MALRD1: variants seen among roughly 807,000 people sequenced by gnomAD.
MALRD1 encodes the protein MAM and LDL-receptor class A domain-containing protein 1.
A neutral mutation model predicts 242.1 loss-of-function variants in MALRD1; 247 were observed. That is an observed-to-expected ratio of 1.02 (90% CI 0.92 to 1.13). The LOEUF (loss-of-function observed/expected upper bound fraction) is 1.13, where lower values mean the gene tolerates loss of function less well. Among genes scored for constraint, MALRD1 ranks in the 50% most tolerant of loss-of-function variants. MALRD1 has a pLI of 0.00. For synonymous variants in MALRD1, 995 were observed against 866.6 expected, an observed-to-expected ratio of 1.15 and a Z score of -2.60; for missense variants, 2,989 against 2,533.1, an observed-to-expected ratio of 1.18 and a Z score of -3.86.
chr10:19,503,458 G>C (rs1838064417), intron 31 of MALRD1, among the ~76,000 whole-genome samples: 1 of 152,130 alleles, frequency 6.6e-6, no homozygotes, highest in Non-Finnish European at 1.5e-5. Context: ...AGCCTTTTTG[G>C]AGACATTGAC....
intron 39 of MALRD1, among the ~76,000 whole-genome samples, chr10:19,732,104 A>G (rs1391172628): frequency 6.6e-6 from 1 of 152,224 alleles, no homozygotes; most frequent in East Asian, 1.9e-4. Flanking sequence ...AGATGATTCG[A>G]CAAGTAAATC....
chr10:19,138,243 C>T (rs926200189), intron 10 of MALRD1, among the ~76,000 whole-genome samples: 11 of 152,054 alleles, frequency 7.2e-5, no homozygotes, highest in Non-Finnish European at 1.3e-4. Context: ...TCAAAACAAA[C>T]GATGTAAGAG....
intron 8 of MALRD1, 64 bp from the exon 9 acceptor site, chr10:19,133,792 C>A: frequency 1.6e-6 from 1 of 641,856 alleles, no homozygotes; most frequent in Non-Finnish European, 2.2e-6. Flanking sequence ...ATTAAAAGAG[C>A]ATGTATGTAA....
chr10:19,096,902 A>G (rs1463332744), intron 4 of MALRD1, among the ~76,000 whole-genome samples: 1 of 152,166 alleles, frequency 6.6e-6, no homozygotes, highest in Admixed American at 6.5e-5. Flanking sequence ...TGGGGGCTTT[A>G]TCACCTCCAT....
At chr10:19,614,360 G>C (rs1286717215) in intron 35 of MALRD1, among the ~76,000 whole-genome samples, 1 of 151,944 alleles carries the variant, frequency 6.6e-6, no homozygotes, top group Non-Finnish European at 1.5e-5. Flanking sequence ...ACATTTTATA[G>C]GGACTCAGAA....
intron 21 of MALRD1, among the ~76,000 whole-genome samples, chr10:19,290,036 G>A (rs967640326): frequency 1.3e-5 from 2 of 152,036 alleles, no homozygotes; most frequent in African/African-American, 4.8e-5. Context: ...ACAATAAAAA[G>A]TCTAAAGAAG....
chr10:19,381,251 A>G (rs1048595375), intron 26 of MALRD1, among the ~76,000 whole-genome samples: 5 of 151,138 alleles, frequency 3.3e-5, no homozygotes, highest in Non-Finnish European at 5.9e-5. Flanking sequence ...ATCAATTTTT[A>G]TGGCTGCATA....
rs1846135385 is a variant in MALRD1, at chr10:19,387,527, G to T, written c.4442-1G>T. On this transcript the variant is annotated splice_acceptor_variant, in intron 26 of 39. Coordinates refer to ENST00000454679, the MANE Select transcript of MALRD1 (RefSeq NM_001142308.3). LOFTEE classifies it high-confidence loss of function. ...TCTTGTTTTCTTTTGTTTTGTTTTA[G>T]GTTTCTGCCCACTTGGCTATAGGGA... The T allele has an allele frequency of 6.5e-7, 1 of 1,549,078 alleles. No homozygotes were observed. The highest frequency in any genetic ancestry group is 1.7e-4 in the Middle Eastern group (1 of 5,968).
intron 17 of MALRD1, among the ~76,000 whole-genome samples, chr10:19,207,750 C>T (rs1836849702): frequency 6.6e-6 from 1 of 152,150 alleles, no homozygotes; most frequent in South Asian, 2.1e-4. Context: ...GATCTGCCCG[C>T]CTTGGCCTCC....
chr10:19,342,566 G>T (rs1039221456), intron 24 of MALRD1, among the ~76,000 whole-genome samples: 4 of 152,098 alleles, frequency 2.6e-5, no homozygotes, highest in African/African-American at 4.8e-5. Context: ...AGATAATTTA[G>T]TCATATATAA....
chr10:19,729,552 ATG>A (rs374304298), intron 38 of MALRD1, among the ~76,000 whole-genome samples: 32 of 141,980 alleles, frequency 2.3e-4, no homozygotes, highest in South Asian at 2.2e-4. Context: ...ATCCTTTCTT[ATG>A]TGTGTGTGTG....
At chr10:19,711,450 A>ATT (rs1834109871) in intron 38 of MALRD1, among the ~76,000 whole-genome samples, 3 of 152,250 alleles carry the variant, frequency 2.0e-5, no homozygotes, top group African/African-American at 7.2e-5. Context: ...AGGTATATAT[A>ATT]AAAGCAAATA....
At chr10:19,182,167 C>G (rs1217394959) in intron 14 of MALRD1, among the ~76,000 whole-genome samples, 2 of 151,914 alleles carry the variant, frequency 1.3e-5, no homozygotes, top group Non-Finnish European at 2.9e-5. Context: ...AAGACTGTTA[C>G]CAAATGTACA....
chr10:19,138,497 T>TA (rs1833433728), intron 10 of MALRD1, among the ~76,000 whole-genome samples: 2 of 150,848 alleles, frequency 1.3e-5, no homozygotes, highest in African/African-American at 4.9e-5. Context: ...CTCGGCTCAC[T>TA]ACAACCTCCA....
intron 32 of MALRD1, among the ~76,000 whole-genome samples, chr10:19,535,253 A>G (rs1045804333): frequency 1.3e-5 from 2 of 152,168 alleles, no homozygotes. Flanking sequence ...AATAGTAGGA[A>G]TTACTCAAAT....
chr10:19,312,238 A>G (rs1366543464), intron 21 of MALRD1, among the ~76,000 whole-genome samples: 1 of 151,240 alleles, frequency 6.6e-6, no homozygotes, highest in Non-Finnish European at 1.5e-5. Context: ...GAACAAACTT[A>G]TCTGTTTTTC....
intron 10 of MALRD1, among the ~76,000 whole-genome samples, chr10:19,143,158 A>G (rs1179965061): frequency 1.3e-5 from 2 of 152,262 alleles, no homozygotes; most frequent in Non-Finnish European, 2.9e-5. Flanking sequence ...TTTTTAACCA[A>G]TAAAACATCT....
chr10:19,703,454 CT>C (rs1833709237), intron 38 of MALRD1, among the ~76,000 whole-genome samples: 1 of 152,160 alleles, frequency 6.6e-6, no homozygotes, highest in Non-Finnish European at 1.5e-5. Flanking sequence ...TGAAAGCTGT[CT>C]TCTACATCTA....
In MALRD1 at chr10:19,203,036, A is replaced by G. The variant is rs888206413; in HGVS notation, c.1952-692A>G. ...ATATATATTCCACACAGGGTCTATT[A>G]CATAAAGTGTTCTATAACTATCAGC... On this transcript the variant is annotated intron_variant, in intron 14 of 39. Coordinates refer to ENST00000454679, the MANE Select transcript of MALRD1 (RefSeq NM_001142308.3). Among the ~76,000 whole-genome samples, 4 of 152,308 alleles carry G rather than the reference A, an allele frequency of 2.6e-5. No homozygotes were observed. The East Asian group carries it at 5.8e-4, about 22-fold the overall frequency.
Sources: allele counts gnomAD v4.1 joint callset (sites outside exome capture counted in the v4.1 genomes callset), GRCh38; gene constraint gnomAD v4.1.1; transcripts MANE v1.5; gene names NCBI Gene and HGNC (gene_info 2026-07-23, HGNC 2026-07-21).